C2CD3: variants seen among roughly 807,000 people sequenced by gnomAD.
The protein encoded by C2CD3 is C2 domain-containing protein 3.
In C2CD3, 148 loss-of-function variants were observed where a neutral mutation model predicts 234.0. The ratio of observed to expected loss-of-function variants is 0.63; its 90% CI spans 0.55 to 0.72. The LOEUF (loss-of-function observed/expected upper bound fraction) is 0.72, where lower values mean the gene tolerates loss of function less well. C2CD3 is among the 30% of genes least tolerant of loss of function. C2CD3 has a pLI of 0.00. For synonymous variants in C2CD3, 1,000 were observed against 1,035.4 expected (o/e 0.97, Z 0.66); for missense variants, 2,577 against 2,811.5 (o/e 0.92, Z 1.89).
At chr11:74,015,884 T>C (rs910752920) in intron 32 of C2CD3, among the ~76,000 whole-genome samples, 1 of 133,634 alleles carries the variant, frequency 7.5e-6, no homozygotes, top group Non-Finnish European at 1.6e-5. Flanking sequence ...TTGGTCAACA[T>C]AGGGAAACCC....
At chr11:74,027,434 A>C (rs1952346799) in intron 32 of C2CD3, among the ~76,000 whole-genome samples, 1 of 152,130 alleles carries the variant, frequency 6.6e-6, no homozygotes. Flanking sequence ...AATAGGCATA[A>C]TGATAGTATA....
intron 7 of C2CD3, among the ~76,000 whole-genome samples, chr11:74,126,518 G>A (rs979060621): frequency 3.9e-5 from 6 of 152,166 alleles, no homozygotes; most frequent in Admixed American, 2.0e-4. Context: ...CGAGGCCGGC[G>A]GAAGACTTGA....
At chr11:74,064,143 C>T (rs542170857) in intron 24 of C2CD3, among the ~76,000 whole-genome samples, 112 of 151,950 alleles carry the variant, frequency 7.4e-4, no homozygotes, top group African/African-American at 1.0e-3. Flanking sequence ...TGAGAACATG[C>T]GGTGTTTGGT....
At chr11:74,019,955 C>T (rs1952020704) in intron 32 of C2CD3, among the ~76,000 whole-genome samples, 1 of 152,190 alleles carries the variant, frequency 6.6e-6, no homozygotes, top group Non-Finnish European at 1.5e-5. Flanking sequence ...GTGCTGTGGT[C>T]TGGCTGAGTA....
intron 31 of C2CD3, among the ~76,000 whole-genome samples, chr11:74,029,085 G>A (rs1470189661): frequency 6.6e-6 from 1 of 152,240 alleles, no homozygotes; most frequent in African/African-American, 2.4e-5. Context: ...GTGAGCCCTA[G>A]AAGGCAGGTA....
chr11:74,100,452 C>T, intron 15 of C2CD3, 73 bp downstream of exon 15: 3 of 1,401,620 alleles, frequency 2.1e-6, no homozygotes, highest in Non-Finnish European at 2.9e-6. Context: ...GTTTGCAAAT[C>T]AAAAGAATTC....
At chr11:74,047,548 G>T (rs1166589853) in intron 28 of C2CD3, among the ~76,000 whole-genome samples, 2 of 152,204 alleles carry the variant, frequency 1.3e-5, no homozygotes, top group African/African-American at 4.8e-5. Flanking sequence ...CCTGAATTGG[G>T]CCTTAGAATG....
rs1956833673 is a variant in C2CD3, at chr11:74,113,774, TCTTA to T, written c.1843+2_1843+5del. 1 of 1,534,140 alleles carries T rather than the reference TCTTA, an allele frequency of 6.5e-7. No individual in the cohort carries two copies. The highest frequency in any genetic ancestry group is 2.2e-5 in the East Asian group (1 of 44,512). On this transcript the variant is annotated splice_donor_variant and splice_donor_5th_base_variant and intron_variant, in intron 11 of 32. Coordinates refer to ENST00000334126, the MANE Select transcript of C2CD3 (RefSeq NM_001286577.2). LOFTEE classifies it high-confidence loss of function. The stretch of plus-strand genomic sequence containing the variant: ...CTAAGGTGCAGAAAACCAGTGTGTC[TCTTA>T]CTTCCATCTGTAATTTTACTGGAGG...
At position 74,049,355 on chromosome 11, in the gene C2CD3, C is replaced by T. The variant is rs753347096; in HGVS notation, c.5343G>A (p.Val1781=). The change falls in exon 27 of 33, where the codon GTG becomes GTA. Residue 1781 remains valine, a synonymous_variant. Coordinates refer to ENST00000334126, the MANE Select transcript of C2CD3 (RefSeq NM_001286577.2). ...TACATACCAGTGATTTTGAGGTCTC[C>T]ACTCCACGCCTTGCTTGCCTTTCTT... ...FKEERQARRG[V]ETSKSLIPIY... is the part of the protein sequence containing the mutation. 1.2e-6 allele frequency: 2 copies of T among 1,614,048 alleles called. No individual in the cohort carries two copies. The highest frequency in any genetic ancestry group is 1.1e-5 in the South Asian group (1 of 91,080).
In C2CD3 at chr11:74,092,505, TG is replaced by T. The variant is rs780941094; in HGVS notation, c.3427del (p.Gln1143SerfsTer15). On this transcript the variant is annotated frameshift_variant, in exon 19 of 33. Coordinates refer to ENST00000334126, the MANE Select transcript of C2CD3 (RefSeq NM_001286577.2). LOFTEE classifies it high-confidence loss of function. ...LSRICAMVTTQHREDVGIQTF... is the reference protein window; with the variant it reads ...LSRICAMVTTXHREDVGIQTF... ...CTGTATTCCCACATCCTCACGATGC[TG>T]GGTGGTTACCATAGCACAGATCCTT... The T allele has an allele frequency of 6.2e-7, 1 of 1,613,986 alleles. No homozygotes were observed. Among genetic ancestry groups the T allele is most frequent in the Non-Finnish European group, 8.5e-7 (1 of 1,179,838 alleles).
Position 74,144,880 on chromosome 11 carries a change from T to C in C2CD3, c.484-5052A>G, listed in dbSNP as rs1341442571. On this transcript the variant is annotated intron_variant, in intron 3 of 32. Coordinates refer to ENST00000334126, the MANE Select transcript of C2CD3 (RefSeq NM_001286577.2). ...GGGCACTCAGCTTGATTCTATGTTT[T>C]TGCTATTGTGAATAGTGCTGCAATG... is the stretch of plus-strand genomic sequence containing the variant. 2.6e-5 allele frequency among the ~76,000 whole-genome samples: 4 copies of C among 152,234 alleles called. No homozygotes were observed. In the East Asian group the frequency reaches 7.7e-4, roughly 29 times the overall value.
Position 74,033,486 on chromosome 11 carries a change from A to C in C2CD3, c.6674T>G (p.Phe2225Cys). 1 of 1,536,114 alleles carries C rather than the reference A, an allele frequency of 6.5e-7. No individual in the cohort carries two copies. The change falls in exon 31 of 33, where the codon TTC becomes TGC. Residue 2225 changes from phenylalanine to cysteine, a missense_variant. Transcript: ENST00000334126. ...TSELGDSADSFKKLPLNLASQ... is the reference protein window; with the variant it reads ...TSELGDSADSCKKLPLNLASQ... ...GGCTAGATTTAGCGGCAACTTCTTG[A>C]AGCTATCAGCAGAGTCACCGAGCTC...
At chr11:74,147,116 CT>C (rs1855260201) in intron 3 of C2CD3, among the ~76,000 whole-genome samples, 1 of 151,868 alleles carries the variant, frequency 6.6e-6, no homozygotes, top group Non-Finnish European at 1.5e-5. Flanking sequence ...CAATATTTTG[CT>C]TGCTAACTGG....
At chr11:74,055,543 G>A (rs1056930761) in intron 25 of C2CD3, among the ~76,000 whole-genome samples, 2 of 152,102 alleles carry the variant, frequency 1.3e-5, no homozygotes, top group South Asian at 2.1e-4. Context: ...ACCAATGAGC[G>A]GCACGGTGCT....
intron 30 of C2CD3, among the ~76,000 whole-genome samples, chr11:74,034,924 A>G (rs922137729): frequency 6.6e-6 from 1 of 152,274 alleles, no homozygotes; most frequent in Non-Finnish European, 1.5e-5. Flanking sequence ...AGTAGAGAAT[A>G]CACGAAAGAA....
chr11:74,131,322 C>CAAA (rs60280021), intron 7 of C2CD3, among the ~76,000 whole-genome samples: 3 of 100,884 alleles, frequency 3.0e-5, no homozygotes, highest in Non-Finnish European at 4.3e-5. Flanking sequence ...GACTCGGTCT[C>CAAA]AAAAAAAAAA....
intron 3 of C2CD3, among the ~76,000 whole-genome samples, chr11:74,145,788 T>C (rs570176529): frequency 6.6e-6 from 1 of 152,292 alleles, no homozygotes; most frequent in Admixed American, 6.5e-5. Context: ...CCCAGTACCA[T>C]TTATTGAATA....
rs1232565234 is a variant in C2CD3, at chr11:74,042,163, G to A, written c.5551C>T (p.Arg1851Cys). The A allele has an allele frequency of 6.8e-6, 11 of 1,611,464 alleles. No individual in the cohort carries two copies. Among genetic ancestry groups the A allele is most frequent in the African/African-American group, 2.7e-5 (2 of 73,838 alleles). ...AGATGCAGGGATTCATGAAACCGGC[G>A]AATGTTCTGCACATGCTCTTCATGG... ...SRHEEHVQNI[R>C]RFHESLHLQG... is the part of the protein sequence containing the mutation. The change falls in exon 29 of 33, where the codon CGC (arginine) becomes TGC (cysteine). Residue 1851 changes from arginine to cysteine, a missense_variant. Coordinates refer to ENST00000334126, the MANE Select transcript of C2CD3 (RefSeq NM_001286577.2).
intron 7 of C2CD3, chr11:74,129,147 C>T (rs1202422446): frequency 8.5e-5 from 15 of 176,880 alleles, no homozygotes; most frequent in South Asian, 1.9e-4. Context: ...CCTCACCTCC[C>T]GGACGGGGCG....
Sources: gnomAD v4.1 joint callset for allele counts (sites outside exome capture counted in the v4.1 genomes callset) on GRCh38, gnomAD v4.1.1 for gene constraint, MANE v1.5 for transcripts, NCBI Gene and HGNC (gene_info 2026-07-23, HGNC 2026-07-21) for gene names.